RYR1: variants seen among roughly 807,000 people sequenced by gnomAD.
RYR1 encodes central core disease of muscle.
A neutral mutation model predicts 583.5 loss-of-function variants in RYR1; 342 were observed. That is an observed-to-expected ratio of 0.59 (90% CI 0.54 to 0.64). The LOEUF is 0.64. RYR1 is among the 30% of genes least tolerant of loss of function. The pLI, the probability that RYR1 is intolerant of heterozygous loss-of-function variation, is 0.00. For missense variants in RYR1, 6,032 were observed against 6,917.2 expected (o/e 0.87, Z 4.54); for synonymous variants, 2,791 against 2,822.5 (o/e 0.99, Z 0.35).
chr19:38,457,045 CCAAAAAAAA>C (rs1278517364), intron 16 of RYR1, among the ~76,000 whole-genome samples: 17 of 19,590 alleles, frequency 8.7e-4, no homozygotes, highest in Admixed American at 8.4e-3. Flanking sequence ...GACTCCATCT[CCAAAAAAAA>C]AAAAAAAAAA....
chr19:38,576,084 G>A, intron 97 of RYR1, 123 bp downstream of exon 97: 1 of 1,054,634 alleles, frequency 9.5e-7, no homozygotes, highest in Non-Finnish European at 1.5e-6. Flanking sequence ...GCCTTTCTGA[G>A]TAGCACCTCA....
Position 38,455,724 on chromosome 19 carries a change from C to T in RYR1, c.1764C>T (p.Leu588=), listed in dbSNP as rs2145396015. 4 of 1,612,524 alleles carry T rather than the reference C, an allele frequency of 2.5e-6. No homozygotes were observed. In the Middle Eastern group the frequency reaches 5.1e-4, roughly 207 times the overall value. The change falls in exon 16 of 106, where the codon CTC becomes CTT. Residue 588 remains leucine (L), a synonymous_variant. Coordinates refer to ENST00000359596, the MANE Select transcript of RYR1 (RefSeq NM_000540.3). The stretch of plus-strand genomic sequence containing the variant: ...ATCACATCAAGTCCATCATCTCCCT[C>T]CTGGACAAGCATGGGAGGAACCACA... ...QENHIKSIIS[L]LDKHGRNHKV... is the part of the protein sequence containing the mutation.
rs118192150 is a variant in RYR1 at position 38,584,973 on chromosome 19, C to T, written c.14677C>T (p.Arg4893Trp). 1 of 1,613,910 alleles carries T rather than the reference C, an allele frequency of 6.2e-7. No homozygotes were observed. Among genetic ancestry groups the T allele is most frequent in the Non-Finnish European group, 8.5e-7 (1 of 1,179,954 alleles). Residue 4893 changes from arginine (R) to tryptophan (W), a missense_variant, in exon 102 of 106, where the codon CGG (arginine) becomes TGG (tryptophan). Physicochemically the swap from Arg to Trp is moderately radical, Grantham distance 101. Around this residue, in one of 11 missense-constraint regions of RYR1, gnomAD observed 189 missense variants for 350.3 expected, o/e 0.54. Transcript: ENST00000359596. ...CCTGTTTCACATGTACGTGGGTGTC[C>T]GGGCTGGCGGAGGCATTGGGGACGA... ...CYLFHMYVGVRAGGGIGDEIE... is the reference protein window; with the variant it reads ...CYLFHMYVGVWAGGGIGDEIE...
At chr19:38,473,903 C>A in intron 28 of RYR1, 132 bp downstream of exon 28, 1 of 673,728 alleles carries the variant, frequency 1.5e-6, no homozygotes, top group Non-Finnish European at 2.5e-6. Flanking sequence ...GTAAGAATAC[C>A]GAGAGATTCT....
In RYR1 at chr19:38,485,883, C is replaced by G; in HGVS notation, c.5228C>G (p.Ala1743Gly). 6.2e-7 allele frequency: 1 copy of G among 1,613,746 alleles called. No homozygotes were observed. The highest frequency in any genetic ancestry group is 8.5e-7 in the Non-Finnish European group (1 of 1,179,976). The change falls in exon 34 of 106, where the codon GCC (alanine) becomes GGC (glycine). Residue 1743 changes from alanine (A) to glycine (G), a missense_variant. Ala to Gly is a moderately conservative substitution (Grantham distance 60). This residue lies in a region of RYR1 where 2,627 missense variants were observed against 2,961.3 expected (regional missense o/e 0.89). Transcript: ENST00000359596. ...GTGCCCCTCACGCCTGAGACCCGCG[C>G]CATCACGCTCTTCCCTCCTGGAAGG... ...YIVPLTPETR[A>G]ITLFPPGRST... is the part of the protein sequence containing the mutation.
At chr19:38,536,283 C>T (rs550196575) in intron 82 of RYR1, among the ~76,000 whole-genome samples, 2 of 63,338 alleles carry the variant, frequency 3.2e-5, no homozygotes, top group Admixed American at 2.0e-4. Flanking sequence ...CCACCTCCGC[C>T]CCCCCCCGCC....
In RYR1 at chr19:38,438,616, C is replaced by CTTTTTTTTTTTT. The variant is rs71165544; in HGVS notation, c.46-2120_46-2109dup. On this transcript the variant is annotated intron_variant, in intron 1 of 105. Coordinates refer to ENST00000359596, the MANE Select transcript of RYR1 (RefSeq NM_000540.3). ...CATTATGTATATTGCCCAGGCTAGT[C>CTTTTTTTTTTTT]TTTTTTTTTTTTTTTTTTTTGAGAT... Among the ~76,000 whole-genome samples, 10 of 93,964 alleles carry CTTTTTTTTTTTT rather than the reference C, an allele frequency of 1.1e-4. 1 individual carries two copies. Among genetic ancestry groups the CTTTTTTTTTTTT allele is most frequent in the South Asian group, 4.3e-4 (1 of 2,314 alleles). The allele number at this position is 93,964 out of a possible 152,430, so 61.6% of individuals were successfully genotyped here. A position where few individuals can be genotyped will look rare whatever the true frequency, so the allele number is the denominator to read the frequency against.
intron 48 of RYR1, 72 bp downstream of exon 48, chr19:38,502,799 AGGGGCAG>A (rs1568506701): frequency 7.4e-6 from 3 of 406,252 alleles, no homozygotes; most frequent in Admixed American, 5.0e-5. Flanking sequence ...GGGCAGGGGC[AGGGGCAG>A]GGGGAGGAGC....
chr19:38,519,529 T>A, intron 67 of RYR1, 75 bp downstream of exon 67: 1 of 1,504,008 alleles, frequency 6.6e-7, no homozygotes, highest in Non-Finnish European at 9.0e-7. Context: ...GATCTCCGCC[T>A]CCTGACTGGC....
In RYR1 at chr19:38,443,644, C is replaced by T. The variant is rs1972799749; in HGVS notation, c.345+12C>T. ...CACACAGCCGCATGGTGAGTGCAAC[C>T]TCGGTGGGCGTGGGCAGGGGCCAGG... is the stretch of plus-strand genomic sequence containing the variant. On this transcript the variant is annotated intron_variant, in intron 4 of 105. Transcript: ENST00000359596. 2 of 1,613,990 alleles carry T rather than the reference C, an allele frequency of 1.2e-6. No individual in the cohort carries two copies. The highest frequency in any genetic ancestry group is 1.7e-5 in the Admixed American group (1 of 59,994).
intron 31 of RYR1, among the ~76,000 whole-genome samples, chr19:38,479,209 C>G (rs1360711671): frequency 1.3e-5 from 2 of 152,162 alleles, no homozygotes. Context: ...ACATTTTATT[C>G]TGAAAAATTT....
At chr19:38,545,661 A>C (rs1361374019) in intron 87 of RYR1, among the ~76,000 whole-genome samples, 1 of 152,086 alleles carries the variant, frequency 6.6e-6, no homozygotes, top group Non-Finnish European at 1.5e-5. Flanking sequence ...AAAAGTAAAA[A>C]ATTAGCTGGG....
At chr19:38,534,173 G>A (rs1971864155) in intron 78 of RYR1, among the ~76,000 whole-genome samples, 1 of 151,822 alleles carries the variant, frequency 6.6e-6, no homozygotes, top group Non-Finnish European at 1.5e-5. Context: ...CACCACGCCT[G>A]GCTAATTTTT....
At chr19:38,511,953 C>A in intron 61 of RYR1, 119 bp from the exon 62 acceptor site, 1 of 1,195,284 alleles carries the variant, frequency 8.4e-7, no homozygotes, top group Non-Finnish European at 1.2e-6. Flanking sequence ...GGTGCAGTAG[C>A]ATTCCAACTT....
At chr19:38,494,045 T>C (rs1969683900) in intron 38 of RYR1, among the ~76,000 whole-genome samples, 1 of 152,152 alleles carries the variant, frequency 6.6e-6, no homozygotes, top group South Asian at 2.1e-4. Context: ...GGCTCACACC[T>C]ATAACCCTAG....
intron 24 of RYR1, 71 bp downstream of exon 24, chr19:38,466,469 C>T (rs1968114523): frequency 2.3e-6 from 3 of 1,315,172 alleles, no homozygotes; most frequent in African/African-American, 1.5e-5. Flanking sequence ...TCCCTGATCT[C>T]TGACCTGACT....
rs773784572 is a variant in RYR1 at position 38,523,899 on chromosome 19, C to G, written c.10441-16C>G. The stretch of plus-strand genomic sequence containing the variant: ...GGGTAACCCTTCTTGTCTCTGTCTG[C>G]GGTCCGGTGAAGCAGGCGGGAGATA... On this transcript the variant is annotated splice_polypyrimidine_tract_variant and intron_variant, in intron 69 of 105. Transcript: ENST00000359596. 6.2e-7 allele frequency: 1 copy of G among 1,613,862 alleles called. No homozygotes were observed. Among genetic ancestry groups the G allele is most frequent in the South Asian group, 1.1e-5 (1 of 91,056 alleles).
intron 9 of RYR1, among the ~76,000 whole-genome samples, 193 bp from the exon 10 acceptor site, chr19:38,448,161 GT>G (rs1966886750): frequency 6.6e-6 from 1 of 152,080 alleles, no homozygotes; most frequent in South Asian, 2.1e-4. Context: ...GCCGGGTGCA[GT>G]GGCTCATGCC....
At chr19:38,566,661 G>C (rs1973452048) in intron 91 of RYR1, among the ~76,000 whole-genome samples, 1 of 151,678 alleles carries the variant, frequency 6.6e-6, no homozygotes, top group Non-Finnish European at 1.5e-5. Flanking sequence ...GGAAGCCCTG[G>C]GGACAAGCAG....
Sources: allele counts gnomAD v4.1 joint callset (sites outside exome capture counted in the v4.1 genomes callset), GRCh38; gene constraint gnomAD v4.1.1; regional missense constraint gnomAD v4.1.1; transcripts MANE v1.5; gene names NCBI Gene and HGNC (gene_info 2026-07-23, HGNC 2026-07-21).